BAALC: variants seen among roughly 807,000 people sequenced by gnomAD.
BAALC encodes the protein brain and acute leukemia cytoplasmic protein.
Under a neutral mutation model 15.5 loss-of-function variants are expected in BAALC, and 9 were observed. That is an observed-to-expected ratio of 0.58 (90% confidence interval 0.35 to 1.02). The LOEUF is 1.02. Among genes scored for constraint, BAALC ranks in the 50% least tolerant of loss-of-function variants. BAALC has a pLI of 0.02. For missense variants in BAALC, 201 were observed against 192.4 expected, an observed-to-expected ratio of 1.04 and a Z score of -0.27; for synonymous variants, 80 against 74.6, an observed-to-expected ratio of 1.07 and a Z score of -0.37.
chr8:103,147,225 A>G (rs555628922), intron 1 of BAALC, among the ~76,000 whole-genome samples: 1 of 152,276 alleles, frequency 6.6e-6, no homozygotes, highest in South Asian at 2.1e-4. Flanking sequence ...AACAATTCCA[A>G]CCCTAGCCAA....
chr8:103,169,124 TG>T (rs959866488), intron 1 of BAALC, among the ~76,000 whole-genome samples: 2 of 152,226 alleles, frequency 1.3e-5, no homozygotes. Flanking sequence ...CTCCCTAGCC[TG>T]GTCCTCTAAT....
intron 1 of BAALC, among the ~76,000 whole-genome samples, chr8:103,174,260 C>CAA (rs34745381): frequency 0.064 from 8,070 of 126,718 alleles, 327 homozygotes; most frequent in Non-Finnish European, 0.086. Flanking sequence ...GGCAAAGCAC[C>CAA]AAAAAAAAAA....
At chr8:103,164,473 TTTC>T (rs1811301163) in intron 1 of BAALC, among the ~76,000 whole-genome samples, 1 of 152,202 alleles carries the variant, frequency 6.6e-6, no homozygotes, top group Non-Finnish European at 1.5e-5. Context: ...CCAAAGAGTC[TTTC>T]TGGAGGATGG....
chr8:103,191,217 A>C (rs1811960348), intron 1 of BAALC: 1 of 151,944 alleles, frequency 6.6e-6, no homozygotes, highest in Non-Finnish European at 1.5e-5. Context: ...AAAGTTGAAA[A>C]CAGACGTGGT....
At chr8:103,151,019 ATTTTT>A (rs3041482) in intron 1 of BAALC, among the ~76,000 whole-genome samples, 1 of 142,612 alleles carries the variant, frequency 7.0e-6, no homozygotes. Context: ...AAAGAATTTG[ATTTTT>A]TTTTTTTTTT....
chr8:103,212,958 G>A lies in BAALC; in HGVS notation c.200G>A (p.Arg67Gln), dbSNP rs200984161. Reference protein sequence around the residue: ...EDGLPSNGVPRSTAPGGIPNP... With the variant: ...EDGLPSNGVPQSTAPGGIPNP... ...GGACTGCCCTCCAATGGTGTGCCCC[G>A]ATCTACAGCCCCAGGTGGAATACCC... is the stretch of plus-strand genomic sequence containing the variant. The change falls in exon 2 of 3, where the codon CGA becomes CAA. Residue 67 changes from arginine (R) to glutamine (Q), a missense_variant. By Grantham distance (43) the Arg-to-Gln change is conservative. Coordinates refer to ENST00000309982, the MANE Select transcript of BAALC (RefSeq NM_024812.3). The A allele has an allele frequency of 2.4e-5, 38 of 1,614,052 alleles. No individual in the cohort carries two copies. The highest frequency in any genetic ancestry group is 3.3e-4 in the Middle Eastern group (2 of 6,056).
At chr8:103,161,961 T>A (rs1811235549) in intron 1 of BAALC, among the ~76,000 whole-genome samples, 1 of 151,268 alleles carries the variant, frequency 6.6e-6, no homozygotes, top group African/African-American at 2.4e-5. Flanking sequence ...TTTGTTTGTT[T>A]TTTGTTTTTG....
At chr8:103,224,115 CTGTGTGTGTG>C (rs4002031) in intron 2 of BAALC, among the ~76,000 whole-genome samples, 9 of 150,830 alleles carry the variant, frequency 6.0e-5, no homozygotes, top group Non-Finnish European at 8.9e-5. Context: ...CTGCGTGCGT[CTGTGTGTGTG>C]TGTGTGTGTG....
intron 1 of BAALC, among the ~76,000 whole-genome samples, chr8:103,164,896 G>A (rs1292079900): frequency 6.6e-6 from 1 of 152,138 alleles, no homozygotes; most frequent in Non-Finnish European, 1.5e-5. Context: ...AGTGTTTCTT[G>A]GAGTCAGGAA....
In BAALC at chr8:103,195,417, A is replaced by G. The variant is rs556824856; in HGVS notation, c.161-17502A>G. 1.1e-4 allele frequency among the ~76,000 whole-genome samples: 16 copies of G among 152,194 alleles called. No individual in the cohort carries two copies. In the South Asian group the frequency reaches 3.3e-3, roughly 32 times the overall value. ...CCTGCAGCACAAACCCCTAAATGGC[A>G]AATGCAATCGCTCATAACTTCATGA... On this transcript the variant is annotated intron_variant, in intron 1 of 2. Coordinates refer to ENST00000309982, the MANE Select transcript of BAALC (RefSeq NM_024812.3).
chr8:103,228,417 T>C lies in BAALC; in HGVS notation c.*318T>C. On this transcript the variant is annotated 3_prime_UTR_variant, in exon 3 of 3. Transcript: ENST00000309982. ...AGTGAGTTAAAGCTACAGGTCAGTT[T>C]ATGAAACAGAAAAGTAGGAATGCAT... The C allele has an allele frequency of 4.4e-6, 1 of 227,520 alleles. No homozygotes were observed. The highest frequency in any genetic ancestry group is 8.5e-6 in the Non-Finnish European group (1 of 117,398). 14.1% of individuals were successfully genotyped at this position (227,520 alleles called of 1,614,324 possible).
intron 1 of BAALC, among the ~76,000 whole-genome samples, chr8:103,201,254 A>G (rs1173977252): frequency 6.6e-6 from 1 of 151,978 alleles, no homozygotes; most frequent in Non-Finnish European, 1.5e-5. Flanking sequence ...AAAGTCAGCA[A>G]CTCTTCCTGA....
At chr8:103,209,799 G>C (rs957665307) in intron 1 of BAALC, among the ~76,000 whole-genome samples, 1 of 152,184 alleles carries the variant, frequency 6.6e-6, no homozygotes, top group Admixed American at 6.5e-5. Flanking sequence ...GTCTGCCTTT[G>C]GATGTTCTGG....
At chr8:103,181,483 A>G (rs895203482) in intron 1 of BAALC, among the ~76,000 whole-genome samples, 6 of 152,120 alleles carry the variant, frequency 3.9e-5, no homozygotes, top group Admixed American at 3.3e-4. Context: ...CATGTTAGCC[A>G]GGATGGTCTC....
intron 1 of BAALC, among the ~76,000 whole-genome samples, chr8:103,194,029 G>T (rs559920269): frequency 6.6e-6 from 1 of 152,084 alleles, no homozygotes; most frequent in South Asian, 2.1e-4. Flanking sequence ...GCTTTGTCTC[G>T]CAAGAAAAAA....
intron 2 of BAALC, among the ~76,000 whole-genome samples, chr8:103,221,200 AG>A (rs1213681320): frequency 8.5e-5 from 13 of 152,220 alleles, no homozygotes; most frequent in Admixed American, 3.3e-4. Flanking sequence ...GAGAAATGGC[AG>A]GCTACTTTTA....
Position 103,178,043 on chromosome 8 carries a change from T to C in BAALC, c.161-34876T>C, listed in dbSNP as rs574482696. The stretch of plus-strand genomic sequence containing the variant: ...TCTCTGGTGGGGAAATTAGGAACCA[T>C]CTGGTCTTGTCATTGGAGCTCAGCT... On this transcript the variant is annotated intron_variant, in intron 1 of 2. Coordinates refer to ENST00000309982, the MANE Select transcript of BAALC (RefSeq NM_024812.3). Among the ~76,000 whole-genome samples, 6 of 152,318 alleles carry C rather than the reference T, an allele frequency of 3.9e-5. No homozygotes were observed. The South Asian group carries it at 1.2e-3, about 32-fold the overall frequency.
intron 1 of BAALC, among the ~76,000 whole-genome samples, chr8:103,157,509 CTT>C (rs1387971787): frequency 6.6e-6 from 1 of 152,092 alleles, no homozygotes; most frequent in Non-Finnish European, 1.5e-5. Context: ...AATTAGGACT[CTT>C]TTAAAAAGAT....
intron 1 of BAALC, among the ~76,000 whole-genome samples, chr8:103,195,370 T>C (rs1563650133): frequency 6.6e-6 from 1 of 152,186 alleles, no homozygotes; most frequent in African/African-American, 2.4e-5. Flanking sequence ...TTGATGTCCA[T>C]GAGGAGAAGG....
Sources: gnomAD v4.1 joint callset for allele counts (sites outside exome capture counted in the v4.1 genomes callset) on GRCh38, gnomAD v4.1.1 for gene constraint, MANE v1.5 for transcripts, NCBI Gene and HGNC (gene_info 2026-07-23, HGNC 2026-07-21) for gene names.